CCDC148: variants seen among roughly 807,000 people sequenced by gnomAD.
CCDC148 encodes the protein coiled-coil domain-containing protein 148.
A neutral mutation model predicts 85.7 loss-of-function variants in CCDC148; 89 were observed. The ratio of observed to expected loss-of-function variants is 1.04; its 90% CI spans 0.87 to 1.24. The LOEUF (loss-of-function observed/expected upper bound fraction) is 1.24. Among genes scored for constraint, CCDC148 ranks in the 50% most tolerant of loss-of-function variants. CCDC148 has a pLI of 0.00. For missense variants in CCDC148, 692 were observed against 671.7 expected, an observed-to-expected ratio of 1.03 and a Z score of -0.33; for synonymous variants, 230 against 213.9, an observed-to-expected ratio of 1.08 and a Z score of -0.66.
intron 9 of CCDC148, among the ~76,000 whole-genome samples, chr2:158,258,547 T>G (rs908974159): frequency 7.9e-5 from 12 of 151,852 alleles, no homozygotes; most frequent in Non-Finnish European, 1.5e-4. Context: ...GATGCACACT[T>G]GACAGGGTTG....
intron 11 of CCDC148, among the ~76,000 whole-genome samples, chr2:158,215,826 T>C (rs1045797035): frequency 2.0e-5 from 3 of 152,208 alleles, no homozygotes; most frequent in Non-Finnish European, 4.4e-5. Flanking sequence ...TATTTGGATA[T>C]GTAGCCCTCA....
At chr2:158,439,034 T>C (rs1559146338) in intron 1 of CCDC148, among the ~76,000 whole-genome samples, 1 of 152,174 alleles carries the variant, frequency 6.6e-6, no homozygotes, top group Non-Finnish European at 1.5e-5. Flanking sequence ...GGTGGGACTG[T>C]AAACTAGTTC....
At chr2:158,177,340 C>T (rs1191708181) in intron 12 of CCDC148, among the ~76,000 whole-genome samples, 3 of 152,084 alleles carry the variant, frequency 2.0e-5, no homozygotes, top group Admixed American at 6.6e-5. Flanking sequence ...CCATTAGTAA[C>T]ACCTGCCTAT....
chr2:158,404,573 C>G (rs945744491), intron 1 of CCDC148, among the ~76,000 whole-genome samples: 20 of 152,128 alleles, frequency 1.3e-4, no homozygotes, highest in African/African-American at 4.3e-4. Flanking sequence ...TTTAAAATTA[C>G]AAGTTTTTAA....
At chr2:158,247,826 A>G (rs949410368) in intron 10 of CCDC148, among the ~76,000 whole-genome samples, 1 of 152,170 alleles carries the variant, frequency 6.6e-6, no homozygotes, top group Non-Finnish European at 1.5e-5. Flanking sequence ...ATTGCACTCC[A>G]GCCTGGGCGA....
chr2:158,176,730 T>C (rs752808169), intron 12 of CCDC148, 69 bp from the exon 13 acceptor site: 5 of 1,548,968 alleles, frequency 3.2e-6, no homozygotes, highest in East Asian at 2.3e-5. Flanking sequence ...ACATTATTGA[T>C]GTCTAATGCC....
chr2:158,190,645 T>C (rs1685379941), intron 11 of CCDC148, among the ~76,000 whole-genome samples: 1 of 152,020 alleles, frequency 6.6e-6, no homozygotes, highest in African/African-American at 2.4e-5. Context: ...ACAATTAATA[T>C]GTATTGCATT....
At position 158,227,173 on chromosome 2, in the gene CCDC148, G is replaced by A. The variant is rs189228335; in HGVS notation, c.1252-6460C>T. Among the ~76,000 whole-genome samples the A allele has an allele frequency of 4.5e-3, 678 of 152,164 alleles. 1 individual carries two copies. The highest frequency in any genetic ancestry group is 0.012 in the South Asian group (57 of 4,822). On this transcript the variant is annotated intron_variant, in intron 10 of 13. Coordinates refer to ENST00000283233, the MANE Select transcript of CCDC148 (RefSeq NM_138803.4). ...CCCATACACCAATAACAGACAAACA[G>A]AGAGCCAAATCATGAGTGAACTCCC...
chr2:158,177,350 T>C (rs2105259467), intron 12 of CCDC148, among the ~76,000 whole-genome samples: 1 of 152,246 alleles, frequency 6.6e-6, no homozygotes, highest in Admixed American at 6.5e-5. Context: ...CACCTGCCTA[T>C]TAATTCTGAA....
At chr2:158,417,424 T>G (rs2105319810) in intron 1 of CCDC148, among the ~76,000 whole-genome samples, 1 of 152,318 alleles carries the variant, frequency 6.6e-6, no homozygotes, top group East Asian at 1.9e-4. Flanking sequence ...CTCATAGCAC[T>G]TGCCCTAGGG....
intron 8 of CCDC148, among the ~76,000 whole-genome samples, chr2:158,310,072 C>A (rs1691903301): frequency 6.6e-6 from 1 of 152,122 alleles, no homozygotes; most frequent in East Asian, 1.9e-4. Context: ...GACCCTGCAG[C>A]CTTCCACAGT....
intron 6 of CCDC148, 37 bp downstream of exon 6, chr2:158,338,953 T>G (rs770316020): frequency 2.5e-6 from 4 of 1,599,864 alleles, no homozygotes; most frequent in Non-Finnish European, 2.6e-6. Context: ...AACGACAAAT[T>G]GATAAACACA....
At position 158,384,243 on chromosome 2, in the gene CCDC148, T is replaced by C. The variant is rs1362403967; in HGVS notation, c.26-25673A>G. On this transcript the variant is annotated intron_variant, in intron 1 of 13. Coordinates refer to ENST00000283233, the MANE Select transcript of CCDC148 (RefSeq NM_138803.4). ...CTACTTGTATTTTGTGGAGAGGTAC[T>C]TTGAAAGTGATAAAGTTTAATTTCT... Among the ~76,000 whole-genome samples the C allele has an allele frequency of 3.9e-5, 6 of 152,334 alleles. No individual in the cohort carries two copies. In the East Asian group the frequency reaches 1.2e-3, roughly 29 times the overall value.
rs746858205 is a variant in CCDC148, at chr2:158,338,925, ATTATT to A, written c.583-23_583-19del. Reference sequence around the variant, plus strand: ...TCTAGAATCTGAAAAAAAGTATATGATTATTTTATTTAACATAAACGACAAATTGA... The same window carrying A: ...TCTAGAATCTGAAAAAAAGTATATGATTATTTAACATAAACGACAAATTGA... On this transcript the variant is annotated intron_variant, in intron 6 of 13. Transcript: ENST00000283233. 11 of 1,600,784 alleles carry A rather than the reference ATTATT, an allele frequency of 6.9e-6. No individual in the cohort carries two copies. The South Asian group carries it at 1.1e-4, about 16-fold the overall frequency.
At chr2:158,432,313 T>G (rs7604785) in intron 1 of CCDC148, among the ~76,000 whole-genome samples, 13,917 of 151,582 alleles carry the variant, frequency 0.092, 688 homozygotes, top group African/African-American at 0.12. Flanking sequence ...ATAAATACTA[T>G]AATTAAAAGG....
chr2:158,255,242 A>AT (rs1688964650), intron 9 of CCDC148, among the ~76,000 whole-genome samples: 2 of 151,644 alleles, frequency 1.3e-5, no homozygotes, highest in Admixed American at 6.6e-5. Context: ...GACCCGTAGA[A>AT]TTTTACCTGA....
chr2:158,346,701 C>T (rs1459276558), intron 2 of CCDC148, among the ~76,000 whole-genome samples: 3 of 152,094 alleles, frequency 2.0e-5, no homozygotes, highest in Non-Finnish European at 4.4e-5. Flanking sequence ...ACGCATATTT[C>T]ATAATTTCTC....
At chr2:158,290,864 A>T (rs1269619898) in intron 9 of CCDC148, among the ~76,000 whole-genome samples, 1 of 152,216 alleles carries the variant, frequency 6.6e-6, no homozygotes, top group East Asian at 1.9e-4. Flanking sequence ...TCCATCCCAT[A>T]ATGAAAGTAG....
intron 1 of CCDC148, among the ~76,000 whole-genome samples, chr2:158,441,582 A>G (rs961291514): frequency 6.6e-6 from 1 of 152,176 alleles, no homozygotes; most frequent in African/African-American, 2.4e-5. Flanking sequence ...AGGATGTTTT[A>G]TTAAAAGGCC....
Sources: allele counts gnomAD v4.1 joint callset (sites outside exome capture counted in the v4.1 genomes callset), GRCh38; gene constraint gnomAD v4.1.1; transcripts MANE v1.5; gene names NCBI Gene and HGNC (gene_info 2026-07-23, HGNC 2026-07-21).